Variants in SPATA13 observed in about 807,000 individuals in gnomAD.
The protein encoded by SPATA13 is spermatogenesis associated 13.
A neutral mutation model predicts 104.0 loss-of-function variants in SPATA13; 50 were observed. That is an observed-to-expected ratio of 0.48 (90% confidence interval 0.38 to 0.61). The LOEUF is 0.61. Ranked by LOEUF, SPATA13 falls within the 20% of genes least tolerant of loss-of-function variation. SPATA13 has a pLI of 0.00. For missense variants in SPATA13, 1,524 were observed against 1,690.6 expected (o/e 0.90, Z 1.73); for synonymous variants, 606 against 667.5 (o/e 0.91, Z 1.42).
chr13:23,995,546 T>G (rs1261150147), intron 2 of SPATA13, among the ~76,000 whole-genome samples: 3 of 152,180 alleles, frequency 2.0e-5, no homozygotes, highest in Non-Finnish European at 4.4e-5. Context: ...ACAGATGAAA[T>G]CTCCATATCG....
At position 24,297,562 on chromosome 13, in the gene SPATA13, T is replaced by C. The variant is rs781369878; in HGVS notation, c.3410T>C (p.Leu1137Pro). The C allele has an allele frequency of 6.2e-7, 1 of 1,614,188 alleles. No homozygotes were observed. Among genetic ancestry groups the C allele is most frequent in the Non-Finnish European group, 8.5e-7 (1 of 1,180,034 alleles). The change falls in exon 11 of 13, where the codon CTG becomes CCG. Residue 1137 changes from leucine (L) to proline (P), a missense_variant. Physicochemically the swap from Leu to Pro is moderately conservative, Grantham distance 98 (BLOSUM62 -3). Transcript: ENST00000382108. Reference protein sequence around the residue: ...LDMDEMELVDLGDGRDKDCNL... With the variant: ...LDMDEMELVDPGDGRDKDCNL... Reference sequence around the variant, plus strand: ...ATGGATGAGATGGAGCTTGTGGACCTGGGGGATGGGCGCGACAAGGACTGC... The same window carrying C: ...ATGGATGAGATGGAGCTTGTGGACCCGGGGGATGGGCGCGACAAGGACTGC...
At chr13:24,251,186 G>A (rs56026405) in intron 3 of SPATA13, among the ~76,000 whole-genome samples, 2,655 of 152,282 alleles carry the variant, frequency 0.017, 77 homozygotes, top group African/African-American at 0.06. Context: ...TGTGAGTTTG[G>A]GTAAGCAAGG....
chr13:24,100,906 G>T (rs924787213), intron 3 of SPATA13, among the ~76,000 whole-genome samples: 2 of 152,196 alleles, frequency 1.3e-5, no homozygotes, highest in Non-Finnish European at 2.9e-5. Context: ...ATGCATTCAT[G>T]CGTTCTCTTG....
chr13:24,064,243 T>C (rs1199580102), intron 3 of SPATA13, among the ~76,000 whole-genome samples: 1 of 152,166 alleles, frequency 6.6e-6, no homozygotes, highest in Non-Finnish European at 1.5e-5. Flanking sequence ...ACAAAGCTAC[T>C]AGAATGGCTA....
In SPATA13 at chr13:24,089,155, G is replaced by C. The variant is rs78270872; in HGVS notation, c.-112+71454G>C. Among the ~76,000 whole-genome samples, 17 of 152,336 alleles carry C rather than the reference G, an allele frequency of 1.1e-4. No homozygotes were observed. In the East Asian group the frequency reaches 3.3e-3, roughly 29 times the overall value. On this transcript the variant is annotated intron_variant, in intron 3 of 14. Transcript: ENST00000424834. The stretch of plus-strand genomic sequence containing the variant: ...TCCACAGGGAATAACGGAAGCACAC[G>C]TAGGAAGAGTTTCTAGTGCCTTCCT...
At chr13:24,133,235 C>G (rs1277015782) in intron 3 of SPATA13, among the ~76,000 whole-genome samples, 2 of 152,144 alleles carry the variant, frequency 1.3e-5, no homozygotes, top group Admixed American at 6.5e-5. Flanking sequence ...AGAACTTCCT[C>G]TCTGCACAGG....
intron 1 of SPATA13, among the ~76,000 whole-genome samples, chr13:24,219,003 CAAAAAA>C (rs35494448): frequency 1.4e-4 from 15 of 110,526 alleles, no homozygotes; most frequent in Non-Finnish European, 2.8e-4. Context: ...TCATTATCAC[CAAAAAA>C]AAAAAAAAAA....
chr13:23,983,181 G>A (rs1431163994), intron 1 of SPATA13, among the ~76,000 whole-genome samples: 1 of 152,198 alleles, frequency 6.6e-6, no homozygotes, highest in Non-Finnish European at 1.5e-5. Context: ...GACAGACCTT[G>A]ATTGTCCCAG....
intron 1 of SPATA13, among the ~76,000 whole-genome samples, chr13:24,173,496 C>T (rs1411333531): frequency 2.1e-5 from 3 of 145,736 alleles, no homozygotes; most frequent in African/African-American, 5.2e-5. Context: ...CCTTTTATTC[C>T]CCCCCGTCCC....
intron 3 of SPATA13, among the ~76,000 whole-genome samples, chr13:24,147,347 G>C (rs1881965694): frequency 6.6e-6 from 1 of 152,166 alleles, no homozygotes; most frequent in Non-Finnish European, 1.5e-5. Context: ...CTGTAATTTA[G>C]CTTGTAGGTG....
chr13:23,980,834 C>T (rs1464125588), intron 1 of SPATA13, among the ~76,000 whole-genome samples: 2 of 152,118 alleles, frequency 1.3e-5, no homozygotes, highest in East Asian at 1.9e-4. Context: ...TCAGGTGATC[C>T]GCCCGCCTCG....
intron 3 of SPATA13, among the ~76,000 whole-genome samples, chr13:24,052,175 C>T (rs1043092255): frequency 1.3e-5 from 2 of 152,190 alleles, no homozygotes; most frequent in East Asian, 3.9e-4. Context: ...TCAAGAATCG[C>T]AGGCCTCGGG....
intron 2 of SPATA13, among the ~76,000 whole-genome samples, chr13:23,985,760 A>T (rs1886801): frequency 0.35 from 53,065 of 152,106 alleles, 9,599 homozygotes; most frequent in Middle Eastern, 0.46. Context: ...GGACAGAAGG[A>T]TACACAGGCA....
chr13:24,129,529 C>T (rs1013195852), intron 3 of SPATA13, among the ~76,000 whole-genome samples: 5 of 152,150 alleles, frequency 3.3e-5, no homozygotes, highest in African/African-American at 7.2e-5. Flanking sequence ...GGAGGCCTAA[C>T]CCTGAAATTA....
chr13:24,161,168 C>T lies in SPATA13; in HGVS notation c.-112+236C>T, dbSNP rs772561871. Among the ~76,000 whole-genome samples the T allele has an allele frequency of 5.3e-5, 8 of 150,142 alleles. No homozygotes were observed. The highest frequency in any genetic ancestry group is 1.2e-4 in the Non-Finnish European group (8 of 66,808). ...CTGCGCCCTCTGGGCCACCCGGCACCATCGCTTTTGGGAGGACATGCACGT... is the reference window on the plus strand; with the variant it reads ...CTGCGCCCTCTGGGCCACCCGGCACTATCGCTTTTGGGAGGACATGCACGT... On this transcript the variant is annotated intron_variant, in intron 1 of 12. Coordinates refer to ENST00000382108, the MANE Select transcript of SPATA13 (RefSeq NM_001166271.3). The surrounding 1 kb of genome is among the most constrained non-coding windows in gnomAD (Gnocchi z 4.5).
intron 3 of SPATA13, among the ~76,000 whole-genome samples, chr13:24,130,172 C>T (rs890278343): frequency 6.6e-5 from 10 of 152,188 alleles, no homozygotes; most frequent in African/African-American, 1.7e-4. Flanking sequence ...CTCAGCACTT[C>T]GTGTGAAGGG....
chr13:24,280,084 T>C (rs1426285130), intron 4 of SPATA13, among the ~76,000 whole-genome samples: 1 of 152,200 alleles, frequency 6.6e-6, no homozygotes. Flanking sequence ...CAATCAGAGC[T>C]CATTGCAGAC....
At chr13:24,258,520 T>A (rs1240404495) in intron 4 of SPATA13, among the ~76,000 whole-genome samples, 1 of 151,918 alleles carries the variant, frequency 6.6e-6, no homozygotes, top group South Asian at 2.1e-4. Context: ...TACAAAAAAA[T>A]TAGCCAAGAG....
chr13:23,981,031 C>G (rs1405092712), intron 1 of SPATA13, among the ~76,000 whole-genome samples: 1 of 152,160 alleles, frequency 6.6e-6, no homozygotes, highest in Non-Finnish European at 1.5e-5. Flanking sequence ...CTCAGCTTTT[C>G]AAACATACTA....
Sources: allele counts gnomAD v4.1 joint callset (sites outside exome capture counted in the v4.1 genomes callset), GRCh38; gene constraint gnomAD v4.1.1; non-coding constraint Gnocchi (gnomAD v3.1); transcripts MANE v1.5; gene names NCBI Gene and HGNC (gene_info 2026-07-23, HGNC 2026-07-21).